SEMA4D: variants seen among roughly 807,000 people sequenced by gnomAD.
The protein encoded by SEMA4D is semaphorin-4D.
A neutral mutation model predicts 74.8 loss-of-function variants in SEMA4D; 22 were observed. That is an observed-to-expected ratio of 0.29 (90% confidence interval 0.21 to 0.42). The LOEUF (loss-of-function observed/expected upper bound fraction) is 0.42, where lower values mean the gene tolerates loss of function less well. Ranked by LOEUF, SEMA4D falls within the 10% of genes least tolerant of loss-of-function variation. The probability of loss-of-function intolerance (pLI) is 1.00; values close to 1 mark genes in which losing one functional copy is unlikely to be tolerated. For missense variants in SEMA4D, 937 were observed against 1,118.4 expected (o/e 0.84, Z 2.31); for synonymous variants, 445 against 463.7 (o/e 0.96, Z 0.52).
rs183122942 is a variant in SEMA4D, at chr9:89,398,280, A to G, written c.315+996T>C. Among the ~76,000 whole-genome samples, 5 of 152,288 alleles carry G rather than the reference A, an allele frequency of 3.3e-5. No individual in the cohort carries two copies. In the East Asian group the frequency reaches 9.6e-4, roughly 29 times the overall value. Reference sequence around the variant, plus strand: ...GATAGAGAAGAGAAGGTGCTGGACTAGAGAGAGGTGACTTGACTTCAGAGG... The same window carrying G: ...GATAGAGAAGAGAAGGTGCTGGACTGGAGAGAGGTGACTTGACTTCAGAGG... On this transcript the variant is annotated intron_variant, in intron 5 of 15. Coordinates refer to ENST00000422704, the MANE Select transcript of SEMA4D (RefSeq NM_001371194.2).
intron 7 of SEMA4D, 121 bp downstream of exon 7, chr9:89,393,441 T>C (rs1840274487): frequency 6.5e-6 from 5 of 772,540 alleles, no homozygotes; most frequent in South Asian, 1.6e-5. Context: ...TTTGTAAGGA[T>C]AGCTCCTATT....
At chr9:89,443,011 C>T (rs142266634) in intron 2 of SEMA4D, among the ~76,000 whole-genome samples, 221 of 152,326 alleles carry the variant, frequency 1.5e-3, no homozygotes, top group African/African-American at 5.0e-3. Context: ...TGCTCAGCAG[C>T]AGGAGGGCCC....
At chr9:89,403,127 G>T in intron 3 of SEMA4D, 111 bp from the exon 4 acceptor site, 1 of 1,293,026 alleles carries the variant, frequency 7.7e-7, no homozygotes. Context: ...AGCACGTCTG[G>T]GTGCAGTCAT....
intron 2 of SEMA4D, among the ~76,000 whole-genome samples, chr9:89,409,958 T>C (rs755930580): frequency 6.6e-6 from 1 of 152,056 alleles, no homozygotes; most frequent in Non-Finnish European, 1.5e-5. Flanking sequence ...TAAAAGGATA[T>C]GAACTTTAAG....
At chr9:89,496,200 G>A (rs1826001250) in intron 1 of SEMA4D, among the ~76,000 whole-genome samples, 1 of 152,202 alleles carries the variant, frequency 6.6e-6, no homozygotes, top group Non-Finnish European at 1.5e-5. Context: ...GGGGGTCTGT[G>A]CAAGGCTGCA....
At chr9:89,383,297 C>T (rs1564549964) in intron 13 of SEMA4D, among the ~76,000 whole-genome samples, 1 of 152,166 alleles carries the variant, frequency 6.6e-6, no homozygotes, top group Non-Finnish European at 1.5e-5. Flanking sequence ...GGACTACATG[C>T]CCCGACACAC....
intron 1 of SEMA4D, among the ~76,000 whole-genome samples, chr9:89,491,738 G>A (rs1165520654): frequency 6.6e-6 from 1 of 152,196 alleles, no homozygotes; most frequent in Non-Finnish European, 1.5e-5. Flanking sequence ...ATGTGGAACT[G>A]AGAGTCAGTG....
chr9:89,475,421 C>T (rs983718589), intron 1 of SEMA4D, among the ~76,000 whole-genome samples: 2 of 152,252 alleles, frequency 1.3e-5, no homozygotes, highest in Non-Finnish European at 2.9e-5. Flanking sequence ...CCATGGGTCA[C>T]AGCCTTGGCA....
rs575710546 is a variant in SEMA4D, at chr9:89,396,154, C to T, written c.414+583G>A. 3.1e-4 allele frequency among the ~76,000 whole-genome samples: 47 copies of T among 152,286 alleles called. No individual in the cohort carries two copies. The South Asian group carries it at 4.4e-3, about 14-fold the overall frequency. On this transcript the variant is annotated intron_variant, in intron 6 of 15. Transcript: ENST00000422704. ...TTCTCAAGGTGCTCAGCACACTTGACCTGCTGCCCCTGAGTGGGTGGACCC... is the reference window on the plus strand; with the variant it reads ...TTCTCAAGGTGCTCAGCACACTTGATCTGCTGCCCCTGAGTGGGTGGACCC...
intron 13 of SEMA4D, chr9:89,385,130 G>T: frequency 1.1e-6 from 1 of 911,726 alleles, no homozygotes; most frequent in Non-Finnish European, 1.3e-6. Context: ...GGGAGATGGC[G>T]GGTGGGCACT....
At chr9:89,473,148 T>C (rs1860834586) in intron 1 of SEMA4D, among the ~76,000 whole-genome samples, 1 of 152,176 alleles carries the variant, frequency 6.6e-6, no homozygotes, top group Admixed American at 6.5e-5. Context: ...CTGTAAGATA[T>C]CTGCCACTTT....
chr9:89,428,250 C>A (rs1387809227), intron 2 of SEMA4D, among the ~76,000 whole-genome samples: 1 of 152,224 alleles, frequency 6.6e-6, no homozygotes, highest in African/African-American at 2.4e-5. Context: ...CCACTGGCCA[C>A]CAGCTCCAGG....
chr9:89,483,749 C>T (rs1248744682), intron 1 of SEMA4D, among the ~76,000 whole-genome samples: 2 of 130,916 alleles, frequency 1.5e-5, no homozygotes, highest in East Asian at 2.5e-4. Flanking sequence ...TGTGTGTGTG[C>T]GTGTGCTGCC....
chr9:89,409,691 C>T (rs1293930901), intron 2 of SEMA4D, among the ~76,000 whole-genome samples: 3 of 152,108 alleles, frequency 2.0e-5, no homozygotes, highest in Non-Finnish European at 4.4e-5. Flanking sequence ...GTGCCCACAC[C>T]GGAGGGCTAG....
At chr9:89,495,327 C>T (rs535339148) in intron 1 of SEMA4D, among the ~76,000 whole-genome samples, 2 of 152,288 alleles carry the variant, frequency 1.3e-5, no homozygotes, top group East Asian at 1.9e-4. Context: ...TCCCAAGGAT[C>T]GCCTTAACTA....
chr9:89,379,220 G>C lies in SEMA4D; in HGVS notation c.2073C>G (p.Ser691=), dbSNP rs760629562. ...SPPTPAVQAT[S]SGAITLPPKP... ...TGGGAGGAAGGGTGATGGCCCCGGAGGAGGTGGCCTGCACGGCTGGGGTTG... is the reference window on the plus strand; with the variant it reads ...TGGGAGGAAGGGTGATGGCCCCGGACGAGGTGGCCTGCACGGCTGGGGTTG... Residue 691 remains serine, a synonymous_variant, in exon 16 of 16, where the codon TCC becomes TCG. Transcript: ENST00000422704. 1 of 1,613,966 alleles carries C rather than the reference G, an allele frequency of 6.2e-7. No individual in the cohort carries two copies. The highest frequency in any genetic ancestry group is 8.5e-7 in the Non-Finnish European group (1 of 1,179,960).
rs192339552 is a variant in SEMA4D at position 89,362,666 on chromosome 9, G to A, written c.2191-238C>T. On this transcript the variant is annotated intron_variant, in intron 18 of 18. Transcript: ENST00000339861. Reference sequence around the variant, plus strand: ...TCCCAGATTGTGCTGAGAGGCAGGAGGGCTGGAGAGAGGGAGCCTGTGTGT... The same window carrying A: ...TCCCAGATTGTGCTGAGAGGCAGGAAGGCTGGAGAGAGGGAGCCTGTGTGT... Among the ~76,000 whole-genome samples the A allele has an allele frequency of 2.5e-3, 375 of 152,370 alleles. 5 individuals carry two copies. Among genetic ancestry groups the A allele is most frequent in the Non-Finnish European group, 3.7e-3 (251 of 68,024 alleles).
At chr9:89,405,754 C>CTT (rs1202026294) in intron 2 of SEMA4D, 55 bp from the exon 3 acceptor site, 6 of 1,364,956 alleles carry the variant, frequency 4.4e-6, no homozygotes, top group Non-Finnish European at 5.7e-6. Context: ...TGACCTGCTT[C>CTT]TCACTGCTCT....
chr9:89,466,900 A>G (rs1041944982), intron 1 of SEMA4D, among the ~76,000 whole-genome samples: 1 of 151,308 alleles, frequency 6.6e-6, no homozygotes, highest in African/African-American at 2.5e-5. Flanking sequence ...TTGTTACTCT[A>G]TAACTAGAAG....
Sources: gnomAD v4.1 joint callset for allele counts (sites outside exome capture counted in the v4.1 genomes callset) on GRCh38, gnomAD v4.1.1 for gene constraint, MANE v1.5 for transcripts, NCBI Gene and HGNC (gene_info 2026-07-23, HGNC 2026-07-21) for gene names.